The following SAMD5 variants were observed in gnomAD, a reference collection of about 807,000 sequenced individuals.
SAMD5 encodes sterile alpha motif domain containing 5, also known as sterile alpha motif domain-containing protein 5.
A neutral mutation model predicts 11.3 loss-of-function variants in SAMD5; 13 were observed. The ratio of observed to expected loss-of-function variants is 1.15; its 90% CI spans 0.75 to 1.83. SAMD5 has a LOEUF of 1.83. Ranked by LOEUF, SAMD5 falls within the 40% of genes most tolerant of loss-of-function variation. The pLI, the probability that SAMD5 is intolerant of heterozygous loss-of-function variation, is 0.00. For synonymous variants in SAMD5, 129 were observed against 111.3 expected (o/e 1.16, Z -1.00); for missense variants, 255 against 239.1 (o/e 1.07, Z -0.44).
chr6:147,929,382 C>T, the SAMD5 span, among the ~76,000 whole-genome samples: 1 of 152,130 alleles, frequency 6.6e-6, no homozygotes, highest in Admixed American at 6.6e-5. Flanking sequence ...TCTCCTGATG[C>T]ACTATTTTAT....
chr6:147,528,840 T>C (rs1322747407), intron 1 of SAMD5, among the ~76,000 whole-genome samples: 1 of 152,160 alleles, frequency 6.6e-6, no homozygotes, highest in Non-Finnish European at 1.5e-5. Flanking sequence ...TGAACATAAA[T>C]CCACTGCACA....
Position 147,568,165 on chromosome 6 carries a change from G to A in SAMD5, c.*3709G>A, listed in dbSNP as rs940497552. 1 of 985,164 alleles carries A rather than the reference G, an allele frequency of 1.0e-6. No individual in the cohort carries two copies. The highest frequency in any genetic ancestry group is 1.1e-4 in the East Asian group (1 of 8,814). 61.0% of individuals were successfully genotyped at this position (985,164 alleles called of 1,614,324 possible). On this transcript the variant is annotated 3_prime_UTR_variant, in exon 2 of 2. Transcript: ENST00000367474. ...GGCTGTTCCCCGATAGCATCTTCTG[G>A]GAAGAATCCAACCAAGATACAAAGC...
intron 1 of SAMD5, among the ~76,000 whole-genome samples, chr6:147,621,431 C>T (rs1470964248): frequency 6.6e-6 from 1 of 151,264 alleles, no homozygotes; most frequent in Admixed American, 6.6e-5. Flanking sequence ...GATGCCAGAG[C>T]CTTCAGCCTG....
chr6:147,689,540 C>A (rs1384059270), intron 1 of SAMD5, among the ~76,000 whole-genome samples: 1 of 152,142 alleles, frequency 6.6e-6, no homozygotes, highest in Non-Finnish European at 1.5e-5. Context: ...CTAACTCTTC[C>A]CTTTTCCCAG....
intron 1 of SAMD5, among the ~76,000 whole-genome samples, chr6:147,619,909 G>T (rs1404559191): frequency 6.6e-6 from 1 of 152,194 alleles, no homozygotes; most frequent in Non-Finnish European, 1.5e-5. Flanking sequence ...ACTGCAGAGG[G>T]TCTAGTGGAA....
At chr6:147,689,084 GT>G (rs1180859716) in intron 1 of SAMD5, among the ~76,000 whole-genome samples, 1 of 152,116 alleles carries the variant, frequency 6.6e-6, no homozygotes, top group African/African-American at 2.4e-5. Context: ...GGTTTCTTTG[GT>G]TAGCCTTTGA....
At chr6:147,858,451 C>G in the SAMD5 span, among the ~76,000 whole-genome samples, 1 of 152,162 alleles carries the variant, frequency 6.6e-6, no homozygotes, top group Non-Finnish European at 1.5e-5. Context: ...TAGTTTAGGG[C>G]CACTGGAGGC....
chr6:147,590,372 A>G (rs1459402490), intron 1 of SAMD5, among the ~76,000 whole-genome samples: 1 of 152,132 alleles, frequency 6.6e-6, no homozygotes, highest in East Asian at 1.9e-4. Flanking sequence ...CCACCTACAT[A>G]GCATAGTGTT....
At chr6:147,616,281 ATATATAC>A (rs1246084963) in intron 1 of SAMD5, among the ~76,000 whole-genome samples, 9,832 of 121,664 alleles carry the variant, frequency 0.081, 1,905 homozygotes, top group African/African-American at 0.34. Flanking sequence ...ATATTTATTC[ATATATAC>A]TTCATATATA....
At chr6:147,860,132 A>T in the SAMD5 span, among the ~76,000 whole-genome samples, 1 of 152,142 alleles carries the variant, frequency 6.6e-6, no homozygotes, top group African/African-American at 2.4e-5. Flanking sequence ...TGAAGGCTCC[A>T]GGGGAGGATC....
At position 147,730,044 on chromosome 6, in the gene SAMD5, C is replaced by T. The variant is rs750644319; in HGVS notation, c.163-7273C>T. The T allele has an allele frequency of 3.1e-5, 12 of 391,188 alleles. 1 individual carries two copies. Among genetic ancestry groups the T allele is most frequent in the South Asian group, 2.2e-4 (12 of 55,352 alleles). 24.2% of individuals were successfully genotyped at this position (391,188 alleles called of 1,614,324 possible). A position where few individuals can be genotyped will look rare whatever the true frequency, so the allele number is the denominator to read the frequency against. ...ATGTTGCAGTGAGCCAAGATCATGC[C>T]ATTGTACTCCAGCCTGGGTGACTCT... is the stretch of plus-strand genomic sequence containing the variant. On this transcript the variant is annotated intron_variant, in intron 1 of 1. Coordinates refer to the SAMD5 transcript ENST00000566741.
chr6:147,877,420 G>C, the SAMD5 span, among the ~76,000 whole-genome samples: 1 of 152,074 alleles, frequency 6.6e-6, no homozygotes, highest in Non-Finnish European at 1.5e-5. Context: ...CTTCAAATTA[G>C]TAGGCAAGCA....
At chr6:147,947,280 C>T in the SAMD5 span, among the ~76,000 whole-genome samples, 2 of 152,050 alleles carry the variant, frequency 1.3e-5, no homozygotes. Context: ...GCTGTCTTGT[C>T]GAAGACTTGC....
intron 1 of SAMD5, among the ~76,000 whole-genome samples, chr6:147,606,587 T>C (rs1789705514): frequency 6.6e-6 from 1 of 151,912 alleles, no homozygotes; most frequent in African/African-American, 2.4e-5. Flanking sequence ...AAAAAAGACT[T>C]TTTAAATAGA....
At chr6:147,775,184 C>T in the SAMD5 span, among the ~76,000 whole-genome samples, 1 of 152,074 alleles carries the variant, frequency 6.6e-6, no homozygotes, top group Non-Finnish European at 1.5e-5. Flanking sequence ...CCCTGCGAGG[C>T]CTGGTGTGTA....
At chr6:147,622,848 A>G (rs1368163080) in intron 1 of SAMD5, among the ~76,000 whole-genome samples, 2 of 152,332 alleles carry the variant, frequency 1.3e-5, no homozygotes, top group East Asian at 3.9e-4. Flanking sequence ...AGGCCTCACA[A>G]TCATGGCGGA....
the SAMD5 span, among the ~76,000 whole-genome samples, chr6:147,901,090 G>A: frequency 2.0e-5 from 3 of 152,128 alleles, no homozygotes; most frequent in Non-Finnish European, 4.4e-5. Flanking sequence ...ATCACTCTGA[G>A]CGAGTCAGTT....
chr6:147,663,604 G>A (rs1210339567), intron 1 of SAMD5, among the ~76,000 whole-genome samples: 2 of 147,450 alleles, frequency 1.4e-5, no homozygotes, highest in African/African-American at 5.1e-5. Flanking sequence ...GGCCAACATG[G>A]CGGAAACCCT....
At chr6:147,623,443 T>C (rs1368553585) in intron 1 of SAMD5, among the ~76,000 whole-genome samples, 1 of 152,236 alleles carries the variant, frequency 6.6e-6, no homozygotes, top group Non-Finnish European at 1.5e-5. Flanking sequence ...ACATGTGCTT[T>C]GAATTGTAAC....
Sources: gnomAD v4.1 joint callset for allele counts (sites outside exome capture counted in the v4.1 genomes callset) on GRCh38, gnomAD v4.1.1 for gene constraint, MANE v1.5 for transcripts, NCBI Gene and HGNC (gene_info 2026-07-23, HGNC 2026-07-21) for gene names.